The following TDRP variants were observed in gnomAD, a reference collection of about 807,000 sequenced individuals.
TDRP encodes the protein testis development related protein, also known as testis development-related protein.
In TDRP, 12 loss-of-function variants were observed where a neutral mutation model predicts 10.5. The observed-to-expected ratio is 1.15, with a 90% CI of 0.73 to 1.86. The LOEUF (loss-of-function observed/expected upper bound fraction) is 1.86. Among genes scored for constraint, TDRP ranks in the 40% most tolerant of loss-of-function variants. TDRP has a pLI of 0.00. For missense variants in TDRP, 353 were observed against 229.2 expected (o/e 1.54, Z -3.49); for synonymous variants, 139 against 95.4 (o/e 1.46, Z -2.67).
intron 1 of TDRP, among the ~76,000 whole-genome samples, chr8:524,880 G>A (rs1801997918): frequency 6.6e-6 from 1 of 152,136 alleles, no homozygotes; most frequent in African/African-American, 2.4e-5. Context: ...GAACGAGAGA[G>A]AAGGGTAGAA....
At chr8:514,314 C>A (rs1026622213) in intron 1 of TDRP, among the ~76,000 whole-genome samples, 2 of 152,132 alleles carry the variant, frequency 1.3e-5, no homozygotes, top group African/African-American at 4.8e-5. Flanking sequence ...CATATAAGGT[C>A]AATTGATTTT....
intron 2 of TDRP, among the ~76,000 whole-genome samples, chr8:493,396 C>G (rs913513552): frequency 2.0e-5 from 3 of 152,216 alleles, no homozygotes; most frequent in Non-Finnish European, 4.4e-5. Flanking sequence ...ACCGGTTTAC[C>G]CATCCTCTAC....
At chr8:518,117 T>C (rs566893091) in intron 1 of TDRP, among the ~76,000 whole-genome samples, 3 of 152,302 alleles carry the variant, frequency 2.0e-5, no homozygotes, top group South Asian at 4.1e-4. Flanking sequence ...CTATGGACTT[T>C]GGCTAACAAT....
intron 1 of TDRP, among the ~76,000 whole-genome samples, chr8:529,318 G>A (rs536783506): frequency 3.3e-5 from 5 of 152,092 alleles, no homozygotes; most frequent in African/African-American, 9.6e-5. Context: ...AAACCAAATC[G>A]AGTATTTTAT....
chr8:514,782 A>C (rs1385058586), intron 1 of TDRP, among the ~76,000 whole-genome samples: 1 of 152,054 alleles, frequency 6.6e-6, no homozygotes. Context: ...CCCGAGAAGC[A>C]ACGGGAACAT....
At chr8:514,065 G>C (rs1801689349) in intron 1 of TDRP, among the ~76,000 whole-genome samples, 1 of 152,166 alleles carries the variant, frequency 6.6e-6, no homozygotes, top group African/African-American at 2.4e-5. Context: ...CACAATACCA[G>C]CTGATTCTTT....
Position 544,803 on chromosome 8 carries a change from G to T in TDRP, c.-46C>A, listed in dbSNP as rs903066233. The T allele has an allele frequency of 8.3e-7, 1 of 1,202,466 alleles. No homozygotes were observed. The highest frequency in any genetic ancestry group is 1.0e-6 in the Non-Finnish European group (1 of 961,510). 74.5% of individuals were successfully genotyped at this position (1,202,466 alleles called of 1,614,324 possible). ...CCCTCCGTCCGTGCGTCGGGCTGTG[G>T]CTCCGCGTCCCTCCCGGCCGCCGGA... On this transcript the variant is annotated 5_prime_UTR_variant, in exon 1 of 3. Transcript: ENST00000324079.
intron 1 of TDRP, among the ~76,000 whole-genome samples, chr8:504,374 G>T (rs1306969219): frequency 2.6e-5 from 4 of 152,118 alleles, no homozygotes; most frequent in Non-Finnish European, 4.4e-5. Context: ...TAACCTGGGG[G>T]TGCAGCAATA....
In TDRP at chr8:536,903, A is replaced by C. The variant is rs115803752; in HGVS notation, c.108+7747T>G. 9.8e-3 allele frequency among the ~76,000 whole-genome samples: 1,494 copies of C among 152,168 alleles called. 16 individuals carry two copies. Among genetic ancestry groups the C allele is most frequent in the African/African-American group, 0.034 (1,404 of 41,508 alleles). On this transcript the variant is annotated intron_variant, in intron 1 of 2. Coordinates refer to ENST00000324079, the MANE Select transcript of TDRP (RefSeq NM_001384899.1). ...CCTTCCTGCTTCCTCTCAAGTAATC[A>C]CCCACAGAGACTTGACTCAAGTGCT... is the stretch of plus-strand genomic sequence containing the variant.
chr8:510,463 G>A (rs1020588660), intron 1 of TDRP, among the ~76,000 whole-genome samples: 1 of 152,152 alleles, frequency 6.6e-6, no homozygotes, highest in South Asian at 2.1e-4. Flanking sequence ...AAGACAGGGA[G>A]ATAATCTTGA....
intron 1 of TDRP, among the ~76,000 whole-genome samples, chr8:497,302 G>A (rs551354202): frequency 6.6e-6 from 1 of 152,336 alleles, no homozygotes; most frequent in South Asian, 2.1e-4. Flanking sequence ...AAATGGAGAT[G>A]AGGAACTTAT....
intron 1 of TDRP, among the ~76,000 whole-genome samples, chr8:497,862 G>A (rs1355855823): frequency 2.0e-5 from 3 of 152,190 alleles, no homozygotes; most frequent in Non-Finnish European, 2.9e-5. Flanking sequence ...TCCCGCAGTG[G>A]CTAAATGGGG....
intron 1 of TDRP, among the ~76,000 whole-genome samples, chr8:507,794 A>G (rs1273845665): frequency 6.6e-6 from 1 of 152,230 alleles, no homozygotes; most frequent in Non-Finnish European, 1.5e-5. Context: ...CAAAATGTCC[A>G]GTTTCTAACC....
chr8:511,936 T>G (rs34391369), intron 1 of TDRP, among the ~76,000 whole-genome samples: 2 of 151,864 alleles, frequency 1.3e-5, no homozygotes, highest in African/African-American at 4.8e-5. Flanking sequence ...AGGAAATTTA[T>G]AGCTGTAAAT....
intron 1 of TDRP, among the ~76,000 whole-genome samples, chr8:541,846 G>A (rs922582575): frequency 1.3e-5 from 2 of 152,078 alleles, no homozygotes; most frequent in South Asian, 2.1e-4. Context: ...ACGGTTTGGC[G>A]GTTTCTTATA....
At chr8:522,126 G>C (rs1376062242) in intron 1 of TDRP, among the ~76,000 whole-genome samples, 1 of 151,902 alleles carries the variant, frequency 6.6e-6, no homozygotes, top group Non-Finnish European at 1.5e-5. Flanking sequence ...GGATCTTTAG[G>C]GTTCTCTACA....
chr8:504,279 C>A (rs1238431083), intron 1 of TDRP, among the ~76,000 whole-genome samples: 1 of 152,194 alleles, frequency 6.6e-6, no homozygotes, highest in African/African-American at 2.4e-5. Context: ...TCAAAAAAGG[C>A]CCCACTGCAG....
At chr8:498,014 C>A (rs758199537) in intron 1 of TDRP, among the ~76,000 whole-genome samples, 2 of 152,146 alleles carry the variant, frequency 1.3e-5, no homozygotes, top group Non-Finnish European at 2.9e-5. Context: ...ATGGAAATGG[C>A]TGGACATCCA....
At chr8:529,321 T>A (rs575436651) in intron 1 of TDRP, among the ~76,000 whole-genome samples, 2 of 152,272 alleles carry the variant, frequency 1.3e-5, no homozygotes, top group South Asian at 2.1e-4. Flanking sequence ...CCAAATCGAG[T>A]ATTTTATATT....
Sources: allele counts gnomAD v4.1 joint callset (sites outside exome capture counted in the v4.1 genomes callset), GRCh38; gene constraint gnomAD v4.1.1; transcripts MANE v1.5; gene names NCBI Gene and HGNC (gene_info 2026-07-23, HGNC 2026-07-21).